Variants in ABCB11 observed in about 807,000 individuals in gnomAD.
The protein encoded by ABCB11 is bile salt export pump.
A neutral mutation model predicts 148.0 loss-of-function variants in ABCB11; 95 were observed. The observed-to-expected ratio is 0.64, with a 90% CI of 0.54 to 0.76. ABCB11 has a LOEUF of 0.76. ABCB11 is among the 30% of genes least tolerant of loss of function. The probability of loss-of-function intolerance (pLI) is 0.00; values close to 1 mark genes in which losing one functional copy is unlikely to be tolerated. For synonymous variants in ABCB11, 591 were observed against 555.4 expected (o/e 1.06, Z -0.90); for missense variants, 1,523 against 1,617.8 (o/e 0.94, Z 1.01).
chr2:168,976,025 A>G (rs984751390), intron 12 of ABCB11, among the ~76,000 whole-genome samples: 1 of 152,096 alleles, frequency 6.6e-6, no homozygotes, highest in Non-Finnish European at 1.5e-5. Context: ...ATTTAAAGGC[A>G]GGAAATAATT....
chr2:168,957,848 A>G (rs908259229), intron 19 of ABCB11, 116 bp downstream of exon 19: 10 of 1,049,184 alleles, frequency 9.5e-6, no homozygotes, highest in Non-Finnish European at 1.3e-5. Flanking sequence ...TTCTTTAGAG[A>G]TGAGAAAAAT....
rs79260320 is a variant in ABCB11 at position 168,922,559 on chromosome 2, C to T, written c.*1063G>A. Among the ~76,000 whole-genome samples the T allele has an allele frequency of 5.7e-3, 875 of 152,284 alleles. 12 individuals are homozygous for T. Among genetic ancestry groups the T allele is most frequent in the African/African-American group, 0.02 (827 of 41,564 alleles). ...ACAGGATGTTTCTAGGCTCCCCCAACTAACAGGTTACATTTTTGTTTTCTC... is the reference window on the plus strand; with the variant it reads ...ACAGGATGTTTCTAGGCTCCCCCAATTAACAGGTTACATTTTTGTTTTCTC... On this transcript the variant is annotated 3_prime_UTR_variant, in exon 28 of 28. Coordinates refer to ENST00000650372, the MANE Select transcript of ABCB11 (RefSeq NM_003742.4).
At chr2:168,973,876 C>A in intron 12 of ABCB11, 36 bp from the exon 13 acceptor site, 1 of 1,603,588 alleles carries the variant, frequency 6.2e-7, no homozygotes, top group South Asian at 1.1e-5. Context: ...TTCAGATTGT[C>A]ACTGTTTACC....
Position 168,932,256 on chromosome 2 carries a change from G to A in ABCB11, c.3213+121C>T, listed in dbSNP as rs1691603415. On this transcript the variant is annotated intron_variant, in intron 24 of 27. Transcript: ENST00000650372. ...TCCCACTTATGAGTGAGAACATGTG[G>A]TGTTTGGTTTTCTGTTCTTGTGTTA... is the stretch of plus-strand genomic sequence containing the variant. 6.3e-6 allele frequency: 5 copies of A among 796,826 alleles called. No individual in the cohort carries two copies. The East Asian group carries it at 1.4e-4, about 23-fold the overall frequency. 49.4% of individuals were successfully genotyped at this position (796,826 alleles called of 1,614,324 possible).
intron 21 of ABCB11, among the ~76,000 whole-genome samples, chr2:168,943,607 A>C (rs1692167115): frequency 6.6e-6 from 1 of 152,090 alleles, no homozygotes; most frequent in Admixed American, 6.6e-5. Context: ...TGTAACCCTA[A>C]GTCTATGGGA....
In ABCB11 at chr2:168,970,091, G is replaced by A. The variant is rs917981474; in HGVS notation, c.1763C>T (p.Ala588Val). 1.2e-5 allele frequency: 20 copies of A among 1,612,804 alleles called. No homozygotes were observed. The highest frequency in any genetic ancestry group is 1.7e-5 in the Non-Finnish European group (20 of 1,179,274). ...KILLLDMATSALDNESEAMVQ... is the reference protein window; with the variant it reads ...KILLLDMATSVLDNESEAMVQ... ...CATGGCTTCACTCTCATTGTCCAGAGCTGAGGTGGCCATGTCCAAAAGCAG... is the reference window on the plus strand; with the variant it reads ...CATGGCTTCACTCTCATTGTCCAGAACTGAGGTGGCCATGTCCAAAAGCAG... The change falls in exon 15 of 28, where the codon GCT becomes GTT. Residue 588 changes from alanine to valine, a missense_variant. Coordinates refer to ENST00000650372, the MANE Select transcript of ABCB11 (RefSeq NM_003742.4).
In ABCB11 at chr2:168,979,852, T is replaced by G; in HGVS notation, c.1197+14A>C. The G allele has an allele frequency of 6.4e-7, 1 of 1,568,206 alleles. No individual in the cohort carries two copies. ...CCCACCTGTTAATGGCCTTTACTTT[T>G]GGCTTATACATACCCTGTCTATTGT... On this transcript the variant is annotated intron_variant, in intron 11 of 27. Coordinates refer to ENST00000650372, the MANE Select transcript of ABCB11 (RefSeq NM_003742.4).
rs1430994773 is a variant in ABCB11 at position 168,973,727 on chromosome 2, G to T, written c.1422C>A (p.Pro474=). The change falls in exon 13 of 28, where the codon CCC becomes CCA. Residue 474 remains proline (P), a synonymous_variant. Transcript: ENST00000650372. ...GGAAGACACCCACCATTCCTTCACA[G>T]GGGTCATAGAATCGCTGAATGAGTT... is the stretch of plus-strand genomic sequence containing the variant. ...ALQLIQRFYD[P]CEGMVTVDGH... The T allele has an allele frequency of 1.2e-6, 2 of 1,611,882 alleles. No homozygotes were observed. Among genetic ancestry groups the T allele is most frequent in the South Asian group, 2.2e-5 (2 of 91,026 alleles).
At chr2:169,009,339 C>T (rs987398276) in intron 5 of ABCB11, among the ~76,000 whole-genome samples, 5 of 151,970 alleles carry the variant, frequency 3.3e-5, no homozygotes, top group Admixed American at 6.6e-5. Flanking sequence ...AAATGTCCAA[C>T]AGTGATAGAC....
At chr2:168,919,511 G>C (rs962779766), downstream of ABCB11, among the ~76,000 whole-genome samples, 1 of 152,044 alleles carries the variant, frequency 6.6e-6, no homozygotes, top group African/African-American at 2.4e-5. Flanking sequence ...CAGCACACCT[G>C]TAATCCTGGG....
At position 168,923,749 on chromosome 2, in the gene ABCB11, A is replaced by G. The variant is rs1691176565; in HGVS notation, c.3839T>C (p.Ile1280Thr). The change falls in exon 28 of 28, where the codon ATC (isoleucine) becomes ACC (threonine). Residue 1280 changes from isoleucine (I) to threonine (T), a missense_variant. Ile to Thr is a moderately conservative substitution (Grantham distance 89). Transcript: ENST00000650372. ...CIVIAHRLST[I>T]QNADIIAVMA... is the part of the protein sequence containing the mutation. Reference sequence around the variant, plus strand: ...GACAGCAATGATATCCGCGTTCTGGATGGTGGACAAGCGATGGGCAATGAC... The same window carrying G: ...GACAGCAATGATATCCGCGTTCTGGGTGGTGGACAAGCGATGGGCAATGAC... 1 of 1,613,810 alleles carries G rather than the reference A, an allele frequency of 6.2e-7. No individual in the cohort carries two copies. Among genetic ancestry groups the G allele is most frequent in the Non-Finnish European group, 8.5e-7 (1 of 1,179,870 alleles).
chr2:169,003,373 C>T (rs1694934580), intron 5 of ABCB11, among the ~76,000 whole-genome samples: 2 of 145,758 alleles, frequency 1.4e-5, no homozygotes, highest in Admixed American at 1.4e-4. Flanking sequence ...TGCACACACA[C>T]AAAAACATAT....
chr2:168,975,305 A>T (rs1238120076), intron 12 of ABCB11, among the ~76,000 whole-genome samples: 1 of 63,076 alleles, frequency 1.6e-5, no homozygotes, highest in Admixed American at 1.5e-4. Context: ...TTTTATATTT[A>T]AATATTTATA....
In ABCB11 at chr2:168,921,066, A is replaced by G. The variant is rs1302168777; in HGVS notation, c.*2556T>C. On this transcript the variant is annotated 3_prime_UTR_variant, in exon 28 of 28. Coordinates refer to ENST00000650372, the MANE Select transcript of ABCB11 (RefSeq NM_003742.4). ...AAACAAGAGCTTTAGTCTTTCATCA[A>G]AATTAGAGGATTAGCATGCATTTAT... 6.6e-6 allele frequency among the ~76,000 whole-genome samples: 1 copy of G among 152,168 alleles called. No individual in the cohort carries two copies. Among genetic ancestry groups the G allele is most frequent in the East Asian group, 1.9e-4 (1 of 5,182 alleles).
intron 8 of ABCB11, among the ~76,000 whole-genome samples, chr2:168,992,047 C>T (rs78347243): frequency 0.076 from 11,111 of 146,888 alleles, 505 homozygotes; most frequent in East Asian, 0.2. Context: ...GATGGGATCT[C>T]ACTGTGTTAC....
At position 168,986,155 on chromosome 2, in the gene ABCB11, T is replaced by C; in HGVS notation, c.1038A>G (p.Thr346=). 1 of 1,612,826 alleles carries C rather than the reference T, an allele frequency of 6.2e-7. No individual in the cohort carries two copies. Residue 346 remains threonine (T), a synonymous_variant, in exon 10 of 28, where the codon ACA becomes ACG. Transcript: ENST00000650372. The part of the protein sequence containing the change: ...CYALAFWYGS[T]LVLDEGEYTP... ...TATATTCTCCTTCATCCAGGACAAG[T>C]GTGGAGCCGTACCAGAAGGCCAGTG...
chr2:168,952,644 C>T, intron 19 of ABCB11, among the ~76,000 whole-genome samples: 1 of 145,496 alleles, frequency 6.9e-6, no homozygotes, highest in Admixed American at 6.8e-5. Context: ...TTTATCTTTT[C>T]AAAGAAACAA....
At chr2:168,956,118 T>C (rs1692779086) in intron 19 of ABCB11, among the ~76,000 whole-genome samples, 1 of 151,660 alleles carries the variant, frequency 6.6e-6, no homozygotes, top group Non-Finnish European at 1.5e-5. Context: ...AAGCAAGGCA[T>C]GTCTTCACAT....
At chr2:168,986,799 T>C (rs1339139533) in intron 9 of ABCB11, among the ~76,000 whole-genome samples, 1 of 143,158 alleles carries the variant, frequency 7.0e-6, no homozygotes, top group Non-Finnish European at 1.5e-5. Context: ...TTCACAGCCA[T>C]GAGACATGGA....
Sources: allele counts gnomAD v4.1 joint callset (sites outside exome capture counted in the v4.1 genomes callset), GRCh38; gene constraint gnomAD v4.1.1; transcripts MANE v1.5; gene names NCBI Gene and HGNC (gene_info 2026-07-23, HGNC 2026-07-21).